The following TNFSF4 variants were observed in gnomAD, a reference collection of about 807,000 sequenced individuals.
TNFSF4 encodes TNF superfamily member 4.
TNFSF4 carries 4 observed loss-of-function variants against 7.3 expected under a neutral mutation model. That is an observed-to-expected ratio of 0.55 (90% CI 0.27 to 1.25). The LOEUF (loss-of-function observed/expected upper bound fraction) is 1.25. Ranked by LOEUF, TNFSF4 falls within the 50% of genes most tolerant of loss-of-function variation. TNFSF4 has a pLI of 0.12. For missense variants in TNFSF4, 181 were observed against 208.8 expected (o/e 0.87, Z 0.82); for synonymous variants, 76 against 83.7 (o/e 0.91, Z 0.50).
the TNFSF4 span, among the ~76,000 whole-genome samples, chr1:173,410,876 T>A: frequency 1.3e-5 from 2 of 152,214 alleles, no homozygotes; most frequent in Non-Finnish European, 2.9e-5. Flanking sequence ...CTGACCACCA[T>A]GACAGGACGG....
the TNFSF4 span, among the ~76,000 whole-genome samples, chr1:173,435,593 C>T: frequency 1.3e-5 from 2 of 152,276 alleles, no homozygotes; most frequent in East Asian, 1.9e-4. Flanking sequence ...AGCATCCAAA[C>T]CTGTGAAAAA....
At chr1:173,393,750 G>A in the TNFSF4 span, among the ~76,000 whole-genome samples, 1 of 152,176 alleles carries the variant, frequency 6.6e-6, no homozygotes, top group African/African-American at 2.4e-5. Flanking sequence ...TATCCTTCCT[G>A]TAGTGGTTCA....
At chr1:173,256,187 T>C in the TNFSF4 span, among the ~76,000 whole-genome samples, 1 of 152,172 alleles carries the variant, frequency 6.6e-6, no homozygotes, top group Non-Finnish European at 1.5e-5. Flanking sequence ...GTCACCAGAT[T>C]CTGAGCATAA....
the TNFSF4 span, among the ~76,000 whole-genome samples, chr1:173,272,749 C>G: frequency 1.3e-5 from 2 of 152,166 alleles, no homozygotes; most frequent in Non-Finnish European, 2.9e-5. Context: ...TGCTCTTGCC[C>G]TGTCTGCAAA....
the TNFSF4 span, among the ~76,000 whole-genome samples, chr1:173,220,985 C>A: frequency 2.0e-5 from 3 of 152,146 alleles, no homozygotes; most frequent in Non-Finnish European, 4.4e-5. Context: ...TTTGATTGGG[C>A]CATCAAAGGC....
chr1:173,408,720 TG>T, the TNFSF4 span, among the ~76,000 whole-genome samples: 1 of 151,964 alleles, frequency 6.6e-6, no homozygotes, highest in African/African-American at 2.4e-5. Context: ...ACCGAGTAGC[TG>T]GGACTACAGG....
the TNFSF4 span, among the ~76,000 whole-genome samples, chr1:173,378,970 T>C: frequency 6.6e-6 from 1 of 151,380 alleles, no homozygotes; most frequent in African/African-American, 2.4e-5. Flanking sequence ...CTTCTCCCTC[T>C]CTGATTTAAA....
At chr1:173,382,344 C>T in the TNFSF4 span, among the ~76,000 whole-genome samples, 6 of 152,246 alleles carry the variant, frequency 3.9e-5, no homozygotes, top group South Asian at 2.1e-4. Flanking sequence ...GAACACAGTC[C>T]GGACACACCA....
At chr1:173,346,767 AC>A in the TNFSF4 span, among the ~76,000 whole-genome samples, 1 of 151,978 alleles carries the variant, frequency 6.6e-6, no homozygotes, top group Non-Finnish European at 1.5e-5. Context: ...ACCCAGAAAA[AC>A]CTCTCCACAA....
the TNFSF4 span, among the ~76,000 whole-genome samples, chr1:173,297,842 C>G: frequency 6.6e-6 from 1 of 151,982 alleles, no homozygotes; most frequent in South Asian, 2.1e-4. Flanking sequence ...TGTGGCCAAC[C>G]AACTGGGAAA....
chr1:173,383,983 T>C, the TNFSF4 span, among the ~76,000 whole-genome samples: 22 of 152,366 alleles, frequency 1.4e-4, no homozygotes, highest in African/African-American at 4.6e-4. Context: ...ATCGTCATCA[T>C]GATGACCATC....
the TNFSF4 span, among the ~76,000 whole-genome samples, chr1:173,400,613 A>T: frequency 6.6e-6 from 1 of 152,216 alleles, no homozygotes; most frequent in South Asian, 2.1e-4. Flanking sequence ...CAACAGACAA[A>T]AAAAAGGAGT....
rs992168261 is a variant in TNFSF4, at chr1:173,184,797, G to C, written c.*1719C>G. 2.0e-5 allele frequency: 3 copies of C among 152,174 alleles called. No homozygotes were observed. Among genetic ancestry groups the C allele is most frequent in the Non-Finnish European group, 2.9e-5 (2 of 68,040 alleles). 9.4% of individuals were successfully genotyped at this position (152,174 alleles called of 1,614,324 possible). The stretch of plus-strand genomic sequence containing the variant: ...CTGTCTCAGAATGATTCTTGTAAAT[G>C]TAAGTATTTAGCCCAGTGCCTGGTC... On this transcript the variant is annotated 3_prime_UTR_variant, in exon 3 of 3. Transcript: ENST00000281834.
At chr1:173,369,385 G>A in the TNFSF4 span, among the ~76,000 whole-genome samples, 2 of 152,150 alleles carry the variant, frequency 1.3e-5, no homozygotes, top group South Asian at 2.1e-4. Context: ...AAAGGCAAGG[G>A]TGCAGATTTT....
rs2101978025 is a variant in TNFSF4 at position 173,184,750 on chromosome 1, G to A, written c.*1766C>T. Reference sequence around the variant, plus strand: ...ACACACACACAATCTTCTGAGTAGTGAAGCCAGATATCATTGAATATCTGT... The same window carrying A: ...ACACACACACAATCTTCTGAGTAGTAAAGCCAGATATCATTGAATATCTGT... On this transcript the variant is annotated 3_prime_UTR_variant, in exon 3 of 3. Transcript: ENST00000281834. 1 of 152,126 alleles carries A rather than the reference G, an allele frequency of 6.6e-6. No homozygotes were observed. Among genetic ancestry groups the A allele is most frequent in the African/African-American group, 2.4e-5 (1 of 41,510 alleles). 9.4% of individuals were successfully genotyped at this position (152,126 alleles called of 1,614,324 possible). A position where few individuals can be genotyped will look rare whatever the true frequency, so the allele number is the denominator to read the frequency against.
chr1:173,204,069 G>A (rs1234330617), intron 1 of TNFSF4, among the ~76,000 whole-genome samples: 1 of 152,142 alleles, frequency 6.6e-6, no homozygotes, highest in Admixed American at 6.5e-5. Flanking sequence ...ATTTAGATAT[G>A]TACAGAATAT....
the TNFSF4 span, among the ~76,000 whole-genome samples, chr1:173,373,439 G>T: frequency 6.6e-6 from 1 of 152,166 alleles, no homozygotes; most frequent in Admixed American, 6.5e-5. Flanking sequence ...TTTCACGGGG[G>T]CATAGTTTTC....
the TNFSF4 span, among the ~76,000 whole-genome samples, chr1:173,290,017 T>G: frequency 1.3e-5 from 2 of 151,590 alleles, no homozygotes; most frequent in Non-Finnish European, 2.9e-5. Context: ...TACAAGCCTA[T>G]AGACCCAAGA....
chr1:173,310,926 A>T, the TNFSF4 span, among the ~76,000 whole-genome samples: 1 of 151,940 alleles, frequency 6.6e-6, no homozygotes, highest in Non-Finnish European at 1.5e-5. Flanking sequence ...TAGCTGCATC[A>T]GGTTTCTTTT....
Sources: allele counts gnomAD v4.1 joint callset (sites outside exome capture counted in the v4.1 genomes callset), GRCh38; gene constraint gnomAD v4.1.1; transcripts MANE v1.5; gene names NCBI Gene and HGNC (gene_info 2026-07-23, HGNC 2026-07-21).